Variants in VIRMA observed in about 807,000 individuals in gnomAD.
VIRMA encodes protein virilizer homolog.
In VIRMA, 65 loss-of-function variants were observed where a neutral mutation model predicts 182.4. The ratio of observed to expected loss-of-function variants is 0.36; its 90% CI spans 0.29 to 0.44. VIRMA has a LOEUF of 0.44. Ranked by LOEUF, VIRMA falls within the 20% of genes least tolerant of loss-of-function variation. VIRMA has a pLI of 1.00. For missense variants in VIRMA, 1,752 were observed against 2,158.1 expected (o/e 0.81, Z 3.73); for synonymous variants, 709 against 743.1 (o/e 0.95, Z 0.75).
At chr8:94,516,327 A>G (rs1814560587) in intron 10 of VIRMA, among the ~76,000 whole-genome samples, 1 of 152,184 alleles carries the variant, frequency 6.6e-6, no homozygotes, top group African/African-American at 2.4e-5. Flanking sequence ...TTGCCTTTAT[A>G]AAATTACTAT....
chr8:94,510,613 G>C lies in VIRMA; in HGVS notation c.3430C>G (p.Arg1144Gly). The change falls in exon 14 of 24, where the codon CGA (arginine) becomes GGA (glycine). Residue 1144 changes from arginine (R) to glycine (G), a missense_variant. Physicochemically the swap from Arg to Gly is moderately radical, Grantham distance 125. Coordinates refer to ENST00000297591, the MANE Select transcript of VIRMA (RefSeq NM_015496.5). ...PHDISVALNT[R>G]KLWSMHLHVQ... ...TGAAGGTGCATGCTCCACAATTTTC[G>C]GGTGTTGAGTGCCACTGATATATCA... is the stretch of plus-strand genomic sequence containing the variant. 1 of 1,614,004 alleles carries C rather than the reference G, an allele frequency of 6.2e-7. No individual in the cohort carries two copies. Among genetic ancestry groups the C allele is most frequent in the Non-Finnish European group, 8.5e-7 (1 of 1,179,964 alleles).
chr8:94,507,022 T>C (rs746744803), intron 15 of VIRMA, among the ~76,000 whole-genome samples: 1 of 152,260 alleles, frequency 6.6e-6, no homozygotes, highest in Non-Finnish European at 1.5e-5. Flanking sequence ...GTTTCTGTTT[T>C]CAATAGGTTA....
At chr8:94,496,514 C>T (rs1813783249) in intron 17 of VIRMA, 34 bp from the exon 18 acceptor site, 5 of 1,575,562 alleles carry the variant, frequency 3.2e-6, no homozygotes, top group Non-Finnish European at 3.5e-6. Context: ...AATTTGAGAA[C>T]AGAGAAATTT....
intron 2 of VIRMA, among the ~76,000 whole-genome samples, chr8:94,542,758 ATCTT>A (rs1156767073): frequency 6.6e-6 from 1 of 152,214 alleles, no homozygotes; most frequent in Non-Finnish European, 1.5e-5. Flanking sequence ...AACATTAAAG[ATCTT>A]TCTTGTGTAT....
rs757608110 is a variant in VIRMA at position 94,527,150 on chromosome 8, C to G, written c.1094G>C (p.Arg365Thr). Residue 365 changes from arginine to threonine, a missense_variant, in exon 8 of 24, where the codon AGA becomes ACA. By Grantham distance (71) the Arg-to-Thr change is moderately conservative (BLOSUM62 -1). This residue lies in a region of VIRMA where 401 missense variants were observed against 455.1 expected (regional missense o/e 0.88). Coordinates refer to ENST00000297591, the MANE Select transcript of VIRMA (RefSeq NM_015496.5). ...TTTATCTGGACCTTGATCCTTCATT[C>G]TACTGATTTCAATTTCAAAAGTAGT... ...YKTTFEIEIS[R>T]MKDQGPDKEN... 6.2e-7 allele frequency: 1 copy of G among 1,614,092 alleles called. No homozygotes were observed. Among genetic ancestry groups the G allele is most frequent in the South Asian group, 1.1e-5 (1 of 91,068 alleles).
At chr8:94,506,804 T>G (rs1295436326) in intron 15 of VIRMA, 87 bp from the exon 16 acceptor site, 1 of 714,628 alleles carries the variant, frequency 1.4e-6, no homozygotes, top group Non-Finnish European at 2.4e-6. Context: ...GCAATTAATA[T>G]TCAATAACTA....
At chr8:94,510,862 C>G in intron 13 of VIRMA, 1 of 823,056 alleles carries the variant, frequency 1.2e-6, no homozygotes, top group Non-Finnish European at 1.8e-6. Context: ...TGAGCAGAGT[C>G]CATTGGTGAA....
intron 21 of VIRMA, 74 bp from the exon 22 acceptor site, chr8:94,491,983 A>T: frequency 8.5e-7 from 1 of 1,179,640 alleles, no homozygotes. Flanking sequence ...ATAATACCCA[A>T]AATTATATTT....
Position 94,490,023 on chromosome 8 carries a change from G to C in VIRMA, c.5200C>G (p.Arg1734Gly), listed in dbSNP as rs1281462306. 1 of 1,613,962 alleles carries C rather than the reference G, an allele frequency of 6.2e-7. No individual in the cohort carries two copies. The highest frequency in any genetic ancestry group is 8.5e-7 in the Non-Finnish European group (1 of 1,179,988). Reference protein sequence around the residue: ...GSSWSAQNTPRGNYNESRGGQ... With the variant: ...GSSWSAQNTPGGNYNESRGGQ... ...CCACGACTTTCATTGTAATTTCCTC[G>C]AGGAGTATTCTGAGCACTCCAACTG... The change falls in exon 23 of 24, where the codon CGA becomes GGA. Residue 1734 changes from arginine to glycine, a missense_variant. Arg to Gly is a moderately radical substitution (Grantham distance 125). Around this residue, in one of 11 missense-constraint regions of VIRMA, gnomAD observed 132 missense variants for 173.8 expected, o/e 0.76. Transcript: ENST00000297591.
At chr8:94,534,306 C>G (rs1815264813) in intron 5 of VIRMA, 1 of 152,124 alleles carries the variant, frequency 6.6e-6, no homozygotes, top group Non-Finnish European at 1.5e-5. Flanking sequence ...AATTCATTTA[C>G]AAATAATTTT....
Position 94,506,663 on chromosome 8 carries a change from G to C in VIRMA, c.3934C>G (p.Gln1312Glu). 2 of 1,613,842 alleles carry C rather than the reference G, an allele frequency of 1.2e-6. No homozygotes were observed. Residue 1312 changes from glutamine (Q) to glutamate (E), a missense_variant, in exon 16 of 24, where the codon CAG becomes GAG. Around this residue, in one of 11 missense-constraint regions of VIRMA, gnomAD observed 777 missense variants for 920.6 expected, o/e 0.84. Coordinates refer to ENST00000297591, the MANE Select transcript of VIRMA (RefSeq NM_015496.5). The part of the protein sequence containing the change: ...SSEGSISELE[Q>E]LSNSLPNKEL... ...TTATTTGGTAGAGAATTGGAGAGCT[G>C]CTCCAGTTCAGAAATAGAACCTTCA...
intron 15 of VIRMA, among the ~76,000 whole-genome samples, chr8:94,509,401 C>CAAA (rs113098045): frequency 1.1e-4 from 12 of 109,040 alleles, no homozygotes; most frequent in African/African-American, 4.1e-4. Flanking sequence ...GACCCCATCT[C>CAAA]AAAAAAAAAA....
chr8:94,525,528 G>C (rs1284042736), intron 8 of VIRMA, among the ~76,000 whole-genome samples: 1 of 152,140 alleles, frequency 6.6e-6, no homozygotes, highest in South Asian at 2.1e-4. Flanking sequence ...TTTTAGACTG[G>C]ACACATATCC....
chr8:94,504,775 A>C (rs1814099258), intron 16 of VIRMA, among the ~76,000 whole-genome samples: 1 of 152,176 alleles, frequency 6.6e-6, no homozygotes, highest in East Asian at 1.9e-4. Context: ...ACAGGACTTA[A>C]TGAGATGCCA....
rs548646532 is a variant in VIRMA, at chr8:94,491,542, T to C, written c.5140+36A>G. On this transcript the variant is annotated intron_variant, in intron 22 of 23. Coordinates refer to ENST00000297591, the MANE Select transcript of VIRMA (RefSeq NM_015496.5). ...CATTCAATATTTTAACATTCCAATA[T>C]TCTAACCCATTAGAAAATACATACT... 1.5e-5 allele frequency: 22 copies of C among 1,513,522 alleles called. No homozygotes were observed. In the African/African-American group the frequency reaches 2.5e-4, roughly 17 times the overall value. 93.8% of individuals were successfully genotyped at this position (1,513,522 alleles called of 1,614,324 possible).
Position 94,511,737 on chromosome 8 carries a change from T to A in VIRMA, c.2846-8A>T, listed in dbSNP as rs1341269412. On this transcript the variant is annotated splice_polypyrimidine_tract_variant and splice_region_variant and intron_variant, in intron 12 of 23. Coordinates refer to ENST00000297591, the MANE Select transcript of VIRMA (RefSeq NM_015496.5). The stretch of plus-strand genomic sequence containing the variant: ...TCAGATCTTTCTGTTGACCTTTATA[T>A]AGGATAAGAAAAAGAAACAAAACTA... 6.2e-7 allele frequency: 1 copy of A among 1,600,874 alleles called. No individual in the cohort carries two copies. The highest frequency in any genetic ancestry group is 1.1e-5 in the South Asian group (1 of 89,572).
intron 16 of VIRMA, among the ~76,000 whole-genome samples, chr8:94,500,215 C>A (rs1813923647): frequency 6.6e-6 from 1 of 151,828 alleles, no homozygotes; most frequent in Admixed American, 6.6e-5. Context: ...CTGGCTAACA[C>A]AGTAAAATCC....
At chr8:94,490,473 C>A (rs541747211) in intron 22 of VIRMA, among the ~76,000 whole-genome samples, 2 of 152,232 alleles carry the variant, frequency 1.3e-5, no homozygotes, top group Non-Finnish European at 2.9e-5. Context: ...TCACTCTCAC[C>A]CTCCTAACTC....
chr8:94,525,735 A>G (rs144698853), intron 8 of VIRMA, among the ~76,000 whole-genome samples: 161 of 152,388 alleles, frequency 1.1e-3, no homozygotes, highest in African/African-American at 3.6e-3. Flanking sequence ...GCAAAACTGT[A>G]TCAACAGATG....
Sources: gnomAD v4.1 joint callset for allele counts (sites outside exome capture counted in the v4.1 genomes callset) on GRCh38, gnomAD v4.1.1 for gene constraint, gnomAD v4.1.1 regional missense constraint, MANE v1.5 for transcripts, NCBI Gene and HGNC (gene_info 2026-07-23, HGNC 2026-07-21) for gene names.